Variants in XKR4 observed in about 807,000 individuals in gnomAD.
The protein encoded by XKR4 is XK related 4.
A neutral mutation model predicts 53.9 loss-of-function variants in XKR4; 12 were observed. The observed-to-expected ratio is 0.22, with a 90% CI of 0.14 to 0.36. The LOEUF is 0.36. XKR4 is among the 10% of genes least tolerant of loss of function. The probability of loss-of-function intolerance (pLI) is 1.00; values close to 1 mark genes in which losing one functional copy is unlikely to be tolerated. For synonymous variants in XKR4, 354 were observed against 362.4 expected, an observed-to-expected ratio of 0.98 and a Z score of 0.26; for missense variants, 799 against 859.5, an observed-to-expected ratio of 0.93 and a Z score of 0.88.
intron 1 of XKR4, among the ~76,000 whole-genome samples, chr8:55,249,740 GC>G (rs1397178906): frequency 6.6e-6 from 1 of 152,198 alleles, no homozygotes; most frequent in Non-Finnish European, 1.5e-5. Context: ...CAATGAGGTA[GC>G]CATACTCAAA....
chr8:55,302,063 C>G (rs1244066557), intron 1 of XKR4, among the ~76,000 whole-genome samples: 1 of 152,048 alleles, frequency 6.6e-6, no homozygotes, highest in African/African-American at 2.4e-5. Flanking sequence ...GACATGAAGT[C>G]CTTGCCCATG....
At chr8:55,454,570 G>A (rs1451504120) in intron 2 of XKR4, 1 of 1,442,672 alleles carries the variant, frequency 6.9e-7, no homozygotes, top group Non-Finnish European at 9.5e-7. Context: ...GTCGGCCAGT[G>A]GAGTCTGGAT....
rs1563316365 is a variant in XKR4 at position 55,289,589 on chromosome 8, AAGAGAAAGAAAGAAAGAAAGAAAG to A, written c.807-68087_807-68064del. Among the ~76,000 whole-genome samples the A allele has an allele frequency of 3.8e-4, 28 of 73,012 alleles. No homozygotes were observed. In the East Asian group the frequency reaches 0.012, roughly 30 times the overall value. 47.9% of individuals were successfully genotyped at this position (73,012 alleles called of 152,430 possible). The stretch of plus-strand genomic sequence containing the variant: ...GGAAGGAGAGAGAAAGGAAGAAAGA[AAGAGAAAGAAAGAAAGAAAGAAAG>A]AAAGAAAGAAAGAAAGAAAGAAAGA... On this transcript the variant is annotated intron_variant, in intron 1 of 2. Coordinates refer to ENST00000327381, the MANE Select transcript of XKR4 (RefSeq NM_052898.2).
chr8:55,158,964 C>A (rs1008765994), intron 1 of XKR4, among the ~76,000 whole-genome samples: 3 of 152,076 alleles, frequency 2.0e-5, no homozygotes, highest in Non-Finnish European at 4.4e-5. Flanking sequence ...GACATTCTGG[C>A]TCTTTTTTGG....
chr8:55,321,575 C>T (rs1803212729), intron 1 of XKR4, among the ~76,000 whole-genome samples: 3 of 152,224 alleles, frequency 2.0e-5, no homozygotes, highest in African/African-American at 4.8e-5. Context: ...TCCTTGTAGA[C>T]TCATCCTTCC....
rs75192415 is a variant in XKR4, at chr8:55,434,368, G to A, written c.1006+76491G>A. Among the ~76,000 whole-genome samples, 707 of 152,008 alleles carry A rather than the reference G, an allele frequency of 4.7e-3. 9 individuals are homozygous for A. The highest frequency in any genetic ancestry group is 0.016 in the African/African-American group (657 of 41,432). ...TATTTTATGTAAAAATTTAATATGA[G>A]TTTGAAAACCTTCATCTTGATTGTT... On this transcript the variant is annotated intron_variant, in intron 2 of 2. Transcript: ENST00000327381.
chr8:55,499,741 ATTTT>A (rs1806407709), intron 2 of XKR4, among the ~76,000 whole-genome samples: 1 of 152,184 alleles, frequency 6.6e-6, no homozygotes, highest in Admixed American at 6.5e-5. Flanking sequence ...TTTGGTCTTT[ATTTT>A]TATATTTACA....
intron 2 of XKR4, chr8:55,455,050 G>C: frequency 1.4e-6 from 1 of 728,936 alleles, no homozygotes; most frequent in Admixed American, 2.0e-5. Flanking sequence ...TCTCCGGGAA[G>C]AACTGCAGAA....
chr8:55,398,754 G>T (rs1225570420), intron 2 of XKR4, among the ~76,000 whole-genome samples: 3 of 152,186 alleles, frequency 2.0e-5, no homozygotes, highest in African/African-American at 7.2e-5. Flanking sequence ...GGACTTGATA[G>T]CAAAACTGAA....
At chr8:55,494,142 G>A (rs1275507375) in intron 2 of XKR4, among the ~76,000 whole-genome samples, 1 of 152,236 alleles carries the variant, frequency 6.6e-6, no homozygotes, top group East Asian at 1.9e-4. Flanking sequence ...GTCCAGGCAT[G>A]CTAGCTGCTG....
At chr8:55,419,063 T>C (rs1041974550) in intron 2 of XKR4, among the ~76,000 whole-genome samples, 1 of 152,108 alleles carries the variant, frequency 6.6e-6, no homozygotes, top group Admixed American at 6.5e-5. Context: ...GTCTGACATA[T>C]GTTCCAGCCT....
At chr8:55,439,990 G>A (rs1011458932) in intron 2 of XKR4, among the ~76,000 whole-genome samples, 1 of 152,144 alleles carries the variant, frequency 6.6e-6, no homozygotes, top group Non-Finnish European at 1.5e-5. Context: ...ATGCAGAGAA[G>A]GATGAAGCCA....
chr8:55,423,620 G>T (rs986695783), intron 2 of XKR4, among the ~76,000 whole-genome samples: 3 of 152,158 alleles, frequency 2.0e-5, no homozygotes, highest in Admixed American at 1.3e-4. Flanking sequence ...TTCTATGCAC[G>T]ACAGTATGAG....
At chr8:55,387,204 A>G (rs757900962) in intron 2 of XKR4, among the ~76,000 whole-genome samples, 2 of 152,110 alleles carry the variant, frequency 1.3e-5, no homozygotes, top group African/African-American at 4.8e-5. Context: ...GTTGTAAGGC[A>G]TTGCTTGTCT....
chr8:55,294,843 C>T (rs977173763), intron 1 of XKR4, among the ~76,000 whole-genome samples: 1 of 152,096 alleles, frequency 6.6e-6, no homozygotes, highest in African/African-American at 2.4e-5. Flanking sequence ...TGTCTTAATA[C>T]CATGGGGGAA....
At chr8:55,442,747 A>G (rs1359238589) in intron 2 of XKR4, among the ~76,000 whole-genome samples, 1 of 152,242 alleles carries the variant, frequency 6.6e-6, no homozygotes, top group Non-Finnish European at 1.5e-5. Flanking sequence ...ATATGATTCC[A>G]TTTATATGAA....
At position 55,540,187 on chromosome 8, in the gene XKR4, C is replaced by T. The variant is rs535434266; in HGVS notation, c.*15960C>T. ...TTCATGTGATTATGCTGCTGAGGAC[C>T]AGTCATTCTGTAAACATCACATATG... On this transcript the variant is annotated 3_prime_UTR_variant, in exon 3 of 3. Transcript: ENST00000327381. The T allele has an allele frequency of 6.6e-6, 1 of 152,260 alleles. No individual in the cohort carries two copies. The highest frequency in any genetic ancestry group is 1.9e-4 in the East Asian group (1 of 5,186). The allele number at this position is 152,260 out of a possible 1,614,324, so 9.4% of individuals were successfully genotyped here. A position where few individuals can be genotyped will look rare whatever the true frequency, so the allele number is the denominator to read the frequency against.
intron 1 of XKR4, among the ~76,000 whole-genome samples, chr8:55,245,813 G>T (rs574128197): frequency 6.6e-6 from 1 of 152,242 alleles, no homozygotes; most frequent in East Asian, 1.9e-4. Flanking sequence ...TCCCAATGTA[G>T]GCTGGGTGCC....
At chr8:55,339,136 T>C (rs1803505979) in intron 1 of XKR4, among the ~76,000 whole-genome samples, 1 of 152,136 alleles carries the variant, frequency 6.6e-6, no homozygotes, top group Admixed American at 6.5e-5. Context: ...AACTGACAAA[T>C]TTTCCTGGAC....
Sources: gnomAD v4.1 joint callset for allele counts (sites outside exome capture counted in the v4.1 genomes callset) on GRCh38, gnomAD v4.1.1 for gene constraint, MANE v1.5 for transcripts, NCBI Gene and HGNC (gene_info 2026-07-23, HGNC 2026-07-21) for gene names.